CYRIB: variants seen among roughly 807,000 people sequenced by gnomAD.
CYRIB encodes the protein CYFIP-related Rac1 interactor B.
Under a neutral mutation model 44.2 loss-of-function variants are expected in CYRIB, and 8 were observed. The ratio of observed to expected loss-of-function variants is 0.18; its 90% CI spans 0.11 to 0.33. The LOEUF (loss-of-function observed/expected upper bound fraction) is 0.33, where lower values mean the gene tolerates loss of function less well. CYRIB is among the 10% of genes least tolerant of loss of function. The probability of loss-of-function intolerance (pLI) is 1.00; values close to 1 mark genes in which losing one functional copy is unlikely to be tolerated. For missense variants in CYRIB, 185 were observed against 382.8 expected, an observed-to-expected ratio of 0.48 and a Z score of 4.31; for synonymous variants, 131 against 127.2, an observed-to-expected ratio of 1.03 and a Z score of -0.20.
At chr8:129,975,168 T>C (rs971494990) in intron 1 of CYRIB, among the ~76,000 whole-genome samples, 1 of 151,966 alleles carries the variant, frequency 6.6e-6, no homozygotes, top group African/African-American at 2.4e-5. Context: ...CGTGAGCCAC[T>C]GCGCCTGACC....
chr8:129,854,492 G>T, intron 6 of CYRIB, 149 bp from the exon 9 acceptor site: 2 of 580,104 alleles, frequency 3.4e-6, no homozygotes, highest in Non-Finnish European at 3.0e-6. Context: ...ATCCAAGGTG[G>T]CTTATAACTG....
At chr8:129,982,405 TTAAC>T (rs1263925330) in intron 1 of CYRIB, among the ~76,000 whole-genome samples, 1 of 152,076 alleles carries the variant, frequency 6.6e-6, no homozygotes, top group Non-Finnish European at 1.5e-5. Flanking sequence ...TTATTTAATT[TTAAC>T]TAACCGAAAC....
intron 3 of CYRIB, among the ~76,000 whole-genome samples, chr8:129,875,022 G>C (rs2133554324): frequency 6.6e-6 from 1 of 152,290 alleles, no homozygotes; most frequent in Admixed American, 6.5e-5. Flanking sequence ...CTGGAGGTAA[G>C]TGAGTCAAGT....
chr8:129,871,486 A>G (rs1329694152), exon 4 of CYRIB: 5 of 1,607,908 alleles, frequency 3.1e-6, no homozygotes, highest in Non-Finnish European at 4.2e-6. Flanking sequence ...CAGACTCTGT[A>G]GGCTGGGCAT....
chr8:130,010,075 C>G (rs757646509), intron 1 of CYRIB, among the ~76,000 whole-genome samples: 2 of 152,228 alleles, frequency 1.3e-5, no homozygotes, highest in African/African-American at 4.8e-5. Context: ...GTCCTTCCCC[C>G]ACCTTCTTAT....
chr8:130,002,345 C>T (rs1311818229), intron 1 of CYRIB, among the ~76,000 whole-genome samples: 1 of 152,030 alleles, frequency 6.6e-6, no homozygotes, highest in African/African-American at 2.4e-5. Flanking sequence ...CCTGTGGTCC[C>T]AGCTGCTCGG....
At chr8:129,991,159 A>G (rs925344235) in intron 1 of CYRIB, among the ~76,000 whole-genome samples, 3 of 149,664 alleles carry the variant, frequency 2.0e-5, no homozygotes, top group Non-Finnish European at 3.0e-5. Flanking sequence ...AAAAAAAGGT[A>G]CAACAGGCGA....
intron 1 of CYRIB, among the ~76,000 whole-genome samples, chr8:129,978,726 CT>C (rs1474455260): frequency 6.6e-6 from 1 of 152,142 alleles, no homozygotes; most frequent in Non-Finnish European, 1.5e-5. Flanking sequence ...GGGGGGTGTC[CT>C]TTGAAACACA....
chr8:129,941,273 A>G (rs3935638), upstream of CYRIB, among the ~76,000 whole-genome samples: 2 of 125,900 alleles, frequency 1.6e-5, no homozygotes, highest in African/African-American at 3.1e-5. Context: ...ACTGAAGGAG[A>G]TTTTTTTTTT....
At chr8:130,006,251 C>T (rs1425138324) in intron 1 of CYRIB, among the ~76,000 whole-genome samples, 2 of 151,644 alleles carry the variant, frequency 1.3e-5, no homozygotes, top group African/African-American at 2.4e-5. Flanking sequence ...TGCAGTGAGC[C>T]GAGATCACGC....
intron 2 of CYRIB, among the ~76,000 whole-genome samples, chr8:129,958,264 G>A (rs1447590069): frequency 6.6e-6 from 1 of 152,130 alleles, no homozygotes; most frequent in Non-Finnish European, 1.5e-5. Flanking sequence ...CTTTCCACTG[G>A]GCAGTGAAGT....
intron 1 of CYRIB, among the ~76,000 whole-genome samples, chr8:129,999,387 C>A (rs180837378): frequency 6.6e-6 from 1 of 152,234 alleles, no homozygotes; most frequent in Non-Finnish European, 1.5e-5. Context: ...GACATGACCC[C>A]CCAGGAACAC....
At chr8:129,847,042 A>G (rs2131226033) in intron 10 of CYRIB, 168 bp from the exon 13 acceptor site, 2 of 500,356 alleles carry the variant, frequency 4.0e-6, no homozygotes, top group Non-Finnish European at 6.9e-6. Context: ...AAGAGTTATT[A>G]TTCTCACTTA....
intron 1 of CYRIB, among the ~76,000 whole-genome samples, chr8:129,974,820 A>G (rs2095849054): frequency 6.6e-6 from 1 of 151,592 alleles, no homozygotes; most frequent in African/African-American, 2.4e-5. Flanking sequence ...CCTGGGCTCA[A>G]AGTGCTCCTC....
chr8:129,925,982 G>A (rs2087481229), intron 1 of CYRIB, among the ~76,000 whole-genome samples: 1 of 152,186 alleles, frequency 6.6e-6, no homozygotes, highest in African/African-American at 2.4e-5. Context: ...CTTTCTGAAT[G>A]AAACCTTTTA....
At chr8:129,967,406 G>T (rs1332191909) in intron 2 of CYRIB, among the ~76,000 whole-genome samples, 12 of 150,486 alleles carry the variant, frequency 8.0e-5, no homozygotes, top group African/African-American at 2.9e-4. Context: ...TTGAGATGGA[G>T]TCTTGCTCTG....
At chr8:129,946,428 AT>A (rs1290934809) in intron 2 of CYRIB, among the ~76,000 whole-genome samples, 1 of 152,158 alleles carries the variant, frequency 6.6e-6, no homozygotes, top group Non-Finnish European at 1.5e-5. Context: ...AGCTCCAAAC[AT>A]TTCCACCATA....
chr8:129,877,453 G>C (rs2059450204), intron 3 of CYRIB, among the ~76,000 whole-genome samples: 1 of 152,086 alleles, frequency 6.6e-6, no homozygotes, highest in Non-Finnish European at 1.5e-5. Flanking sequence ...TTTGAGACCA[G>C]CCTGGGCAAC....
At chr8:129,958,030 G>A (rs1041783891) in intron 2 of CYRIB, among the ~76,000 whole-genome samples, 2 of 151,740 alleles carry the variant, frequency 1.3e-5, no homozygotes, top group Non-Finnish European at 2.9e-5. Context: ...AGTGGCACAC[G>A]CCTGTAATCC....
Sources: gnomAD v4.1 joint callset for allele counts (sites outside exome capture counted in the v4.1 genomes callset) on GRCh38, gnomAD v4.1.1 for gene constraint, MANE v1.5 for transcripts, NCBI Gene and HGNC (gene_info 2026-07-23, HGNC 2026-07-21) for gene names.